Variants in MARCHF1 observed in about 807,000 individuals in gnomAD.
MARCHF1 encodes membrane associated ring-CH-type finger 1.
In MARCHF1, 40 loss-of-function variants were observed where a neutral mutation model predicts 54.2. The observed-to-expected ratio is 0.74, with a 90% CI of 0.57 to 0.96. The LOEUF (loss-of-function observed/expected upper bound fraction) is 0.96, where lower values mean the gene tolerates loss of function less well. Among genes scored for constraint, MARCHF1 ranks in the 40% least tolerant of loss-of-function variants. MARCHF1 has a pLI of 0.00. For missense variants in MARCHF1, 586 were observed against 656.5 expected, an observed-to-expected ratio of 0.89 and a Z score of 1.17; for synonymous variants, 236 against 236.3, an observed-to-expected ratio of 1.00 and a Z score of 0.01.
chr4:163,849,996 CACTA>C (rs1370260343), intron 4 of MARCHF1, among the ~76,000 whole-genome samples: 1 of 152,260 alleles, frequency 6.6e-6, no homozygotes, highest in East Asian at 1.9e-4. Flanking sequence ...TCTTCTTTGC[CACTA>C]ACTTTTTGGT....
chr4:164,110,398 T>C (rs1470849409), intron 2 of MARCHF1, among the ~76,000 whole-genome samples: 1 of 151,858 alleles, frequency 6.6e-6, no homozygotes, highest in African/African-American at 2.4e-5. Flanking sequence ...AAGTTTCCCC[T>C]TTTTATGTGA....
intron 3 of MARCHF1, among the ~76,000 whole-genome samples, chr4:163,878,207 A>G (rs1444667851): frequency 2.0e-5 from 3 of 152,068 alleles, no homozygotes; most frequent in African/African-American, 4.8e-5. Context: ...TCTCTATAAC[A>G]CTAGCTTTTT....
intron 4 of MARCHF1, among the ~76,000 whole-genome samples, chr4:163,781,442 G>A (rs11726053): frequency 0.38 from 58,529 of 152,092 alleles, 12,139 homozygotes; most frequent in East Asian, 0.55. Flanking sequence ...AATTGGTGGC[G>A]GAGGGGAGCC....
rs149027368 is a variant in MARCHF1 at position 163,587,294 on chromosome 4, T to G, written c.1011-1365A>C. 2.6e-5 allele frequency among the ~76,000 whole-genome samples: 4 copies of G among 152,306 alleles called. No homozygotes were observed. In the East Asian group the frequency reaches 7.7e-4, roughly 29 times the overall value. The stretch of plus-strand genomic sequence containing the variant: ...ATAAATTTCATTAGAAATGTTGCTT[T>G]AAATCTGTTAAATATATACACTCAT... On this transcript the variant is annotated intron_variant, in intron 7 of 9. Coordinates refer to ENST00000514618, the MANE Select transcript of MARCHF1 (RefSeq NM_001394959.1).
chr4:163,893,208 C>G (rs1264574210), intron 3 of MARCHF1, among the ~76,000 whole-genome samples: 14 of 152,040 alleles, frequency 9.2e-5, no homozygotes, highest in Admixed American at 8.5e-4. Context: ...GGCGGGATCT[C>G]AGCTCACTGC....
chr4:163,562,862 T>C (rs1337359471), intron 8 of MARCHF1, among the ~76,000 whole-genome samples: 1 of 152,210 alleles, frequency 6.6e-6, no homozygotes, highest in African/African-American at 2.4e-5. Flanking sequence ...CTGAGTATCA[T>C]GAACCACTTT....
chr4:163,567,849 T>G (rs1325035992), intron 8 of MARCHF1, among the ~76,000 whole-genome samples: 1 of 152,118 alleles, frequency 6.6e-6, no homozygotes, highest in Non-Finnish European at 1.5e-5. Context: ...TTTTGAGACG[T>G]ATGCCATATA....
At chr4:163,582,769 A>AC (rs543569767) in intron 8 of MARCHF1, among the ~76,000 whole-genome samples, 4 of 27,570 alleles carry the variant, frequency 1.5e-4, no homozygotes, top group Non-Finnish European at 2.1e-4. Flanking sequence ...TAAAAACTAC[A>AC]AAAAAAAAAC....
At chr4:164,162,786 T>C (rs1730271574) in intron 1 of MARCHF1, among the ~76,000 whole-genome samples, 1 of 152,036 alleles carries the variant, frequency 6.6e-6, no homozygotes, top group African/African-American at 2.4e-5. Flanking sequence ...GCTCAGGAAA[T>C]TCAAAGCAGG....
chr4:164,101,749 C>T (rs1459767929), intron 2 of MARCHF1, among the ~76,000 whole-genome samples: 1 of 146,120 alleles, frequency 6.8e-6, no homozygotes, highest in Non-Finnish European at 1.5e-5. Flanking sequence ...AGCAAGGGAA[C>T]AAAGCTGGAT....
intron 1 of MARCHF1, among the ~76,000 whole-genome samples, chr4:164,194,052 C>A (rs1014336448): frequency 6.6e-6 from 1 of 152,072 alleles, no homozygotes; most frequent in African/African-American, 2.4e-5. Flanking sequence ...GTAATGTCAA[C>A]CAGAATCATC....
chr4:164,101,323 CA>C (rs1171305509), intron 2 of MARCHF1, among the ~76,000 whole-genome samples: 19 of 147,618 alleles, frequency 1.3e-4, no homozygotes, highest in Non-Finnish European at 2.9e-4. Context: ...CACAGTCAAA[CA>C]AAAAGACAGC....
chr4:163,891,854 T>A (rs1339540168), intron 3 of MARCHF1, among the ~76,000 whole-genome samples: 1 of 152,214 alleles, frequency 6.6e-6, no homozygotes, highest in Non-Finnish European at 1.5e-5. Context: ...AGGCAATTAA[T>A]AACATATGTG....
At chr4:164,010,060 CTCT>C (rs767283145) in intron 2 of MARCHF1, among the ~76,000 whole-genome samples, 1 of 106,562 alleles carries the variant, frequency 9.4e-6, no homozygotes, top group Non-Finnish European at 1.8e-5. Flanking sequence ...CATCAAAAAA[CTCT>C]TTTTTTTTTT....
chr4:163,744,679 C>T (rs1746306159), intron 4 of MARCHF1, among the ~76,000 whole-genome samples: 1 of 152,136 alleles, frequency 6.6e-6, no homozygotes, highest in South Asian at 2.1e-4. Context: ...AGAGTGAAGT[C>T]AGATTTTACA....
intron 8 of MARCHF1, among the ~76,000 whole-genome samples, chr4:163,549,527 TCTC>T (rs745885747): frequency 2.0e-5 from 3 of 152,046 alleles, no homozygotes; most frequent in Non-Finnish European, 4.4e-5. Context: ...GTCTTCAAGT[TCTC>T]CTTTATACCT....
intron 1 of MARCHF1, among the ~76,000 whole-genome samples, chr4:164,307,260 A>T (rs927812637): frequency 3.3e-5 from 5 of 152,224 alleles, no homozygotes; most frequent in African/African-American, 1.2e-4. Context: ...GGAAAACCTC[A>T]GTATTTACCT....
At chr4:163,955,884 T>C (rs1752223368) in intron 3 of MARCHF1, among the ~76,000 whole-genome samples, 1 of 152,128 alleles carries the variant, frequency 6.6e-6, no homozygotes, top group South Asian at 2.1e-4. Flanking sequence ...AAACATGTAT[T>C]TTGAACACAG....
chr4:163,907,221 T>C (rs1171864844), intron 3 of MARCHF1, among the ~76,000 whole-genome samples: 4 of 152,088 alleles, frequency 2.6e-5, no homozygotes, highest in South Asian at 4.1e-4. Context: ...ATATTTCTAT[T>C]GTAAGATCTT....
Sources: gnomAD v4.1 joint callset for allele counts (sites outside exome capture counted in the v4.1 genomes callset) on GRCh38, gnomAD v4.1.1 for gene constraint, MANE v1.5 for transcripts, NCBI Gene and HGNC (gene_info 2026-07-23, HGNC 2026-07-21) for gene names.